Variants in NCAPD3 observed in about 807,000 individuals in gnomAD.
NCAPD3 encodes the protein condensin-2 complex subunit D3.
In NCAPD3, 105 loss-of-function variants were observed where a neutral mutation model predicts 182.9. The observed-to-expected ratio is 0.57, with a 90% CI of 0.49 to 0.68. The LOEUF (loss-of-function observed/expected upper bound fraction) is 0.68, where lower values mean the gene tolerates loss of function less well. NCAPD3 is among the 30% of genes least tolerant of loss of function. The pLI is 0.00. For missense variants in NCAPD3, 1,944 were observed against 1,837.0 expected (o/e 1.06, Z -1.07); for synonymous variants, 815 against 679.9 (o/e 1.20, Z -3.09).
intron 13 of NCAPD3, among the ~76,000 whole-genome samples, chr11:134,198,219 CTCTGAAGCCTACTA>C (rs1464944356): frequency 2.0e-5 from 3 of 152,198 alleles, no homozygotes; most frequent in Non-Finnish European, 4.4e-5. Context: ...AATCTATTCT[CTCTGAAGCCTACTA>C]TCTGAAGGCT....
At position 134,158,459 on chromosome 11, in the gene NCAPD3, C is replaced by A. The variant is rs564218854; in HGVS notation, c.3904G>T (p.Gly1302Cys). Residue 1302 changes from glycine to cysteine, a missense_variant, in exon 30 of 35, where the codon GGC becomes TGC. By Grantham distance (159) the Gly-to-Cys change is radical. This residue lies in a region of NCAPD3 where 1,803 missense variants were observed against 1,674.6 expected (regional missense o/e 1.08). Transcript: ENST00000534548. ...LCLETVPVPA[G>C]QENPAMSPAV... ...GGTGACATGGCAGGGTTTTCTTGGC[C>A]AGCAGGAACTGGCACTGTTTCTAAA... 317 of 1,614,072 alleles carry A rather than the reference C, an allele frequency of 2.0e-4. 2 individuals carry two copies. The South Asian group carries it at 3.0e-3, about 15-fold the overall frequency.
At chr11:134,203,544 T>C (rs1231288071) in intron 11 of NCAPD3, 110 bp downstream of exon 11, 4 of 1,391,052 alleles carry the variant, frequency 2.9e-6, no homozygotes, top group Non-Finnish European at 2.9e-6. Flanking sequence ...AGAGTAAAAA[T>C]AGATCATGCC....
intron 16 of NCAPD3, among the ~76,000 whole-genome samples, chr11:134,190,485 T>A (rs969060925): frequency 7.9e-5 from 12 of 152,188 alleles, no homozygotes; most frequent in Admixed American, 1.3e-4. Context: ...CCTTCTGAAG[T>A]ACATCCTTTT....
At chr11:134,160,170 G>T in intron 28 of NCAPD3, 96 bp from the exon 29 acceptor site, 1 of 1,235,444 alleles carries the variant, frequency 8.1e-7, no homozygotes, top group Non-Finnish European at 1.1e-6. Context: ...TAACAAACCT[G>T]CACATCCTGC....
chr11:134,186,140 A>G (rs997265263), intron 16 of NCAPD3: 1 of 152,208 alleles, frequency 6.6e-6, no homozygotes, highest in Non-Finnish European at 1.5e-5. Context: ...TCAGAAATAG[A>G]TATTTCAAAC....
intron 22 of NCAPD3, 43 bp from the exon 23 acceptor site, chr11:134,177,500 C>G: frequency 6.5e-7 from 1 of 1,548,278 alleles, no homozygotes; most frequent in East Asian, 2.3e-5. Context: ...TATTCTAAAT[C>G]CTAATTCCAT....
intron 16 of NCAPD3, among the ~76,000 whole-genome samples, chr11:134,189,192 T>C (rs531604317): frequency 6.6e-6 from 1 of 152,350 alleles, no homozygotes; most frequent in African/African-American, 2.4e-5. Flanking sequence ...TATCACCCAT[T>C]TCATCATTAA....
At chr11:134,153,705 T>A in intron 32 of NCAPD3, 1 of 357,322 alleles carries the variant, frequency 2.8e-6, no homozygotes, top group Non-Finnish European at 5.3e-6. Flanking sequence ...CTACTGTGGC[T>A]CACCCAGATT....
intron 31 of NCAPD3, among the ~76,000 whole-genome samples, chr11:134,157,344 A>C (rs1943451552): frequency 6.6e-6 from 1 of 152,240 alleles, no homozygotes; most frequent in Non-Finnish European, 1.5e-5. Flanking sequence ...ACAGTTTGAC[A>C]CTATCCAAAG....
chr11:134,175,431 TGTTA>T (rs1301843261), intron 24 of NCAPD3, among the ~76,000 whole-genome samples: 1 of 152,212 alleles, frequency 6.6e-6, no homozygotes, highest in African/African-American at 2.4e-5. Context: ...GTAAGTAGAA[TGTTA>T]GTTTTACTGG....
intron 29 of NCAPD3, among the ~76,000 whole-genome samples, chr11:134,159,424 G>A (rs535028110): frequency 1.3e-5 from 2 of 152,344 alleles, no homozygotes; most frequent in South Asian, 2.1e-4. Context: ...AGAATACTAT[G>A]AGAAAGCTGC....
At position 134,215,053 on chromosome 11, in the gene NCAPD3, T is replaced by G. The variant is rs761583811; in HGVS notation, c.382+1883A>C. Among the ~76,000 whole-genome samples, 153 of 152,110 alleles carry G rather than the reference T, an allele frequency of 1.0e-3. 2 individuals carry two copies. The highest frequency in any genetic ancestry group is 3.5e-4 in the Non-Finnish European group (24 of 68,034). ...ACAAAATTGGTTTAATATGTGAAAA[T>G]CAACCAATGTAATATACTATATTAG... On this transcript the variant is annotated intron_variant, in intron 3 of 34. Coordinates refer to ENST00000534548, the MANE Select transcript of NCAPD3 (RefSeq NM_015261.3).
intron 13 of NCAPD3, among the ~76,000 whole-genome samples, chr11:134,196,111 GA>G (rs958634459): frequency 3.3e-5 from 5 of 152,074 alleles, no homozygotes; most frequent in Non-Finnish European, 7.4e-5. Flanking sequence ...GACTGGCGAA[GA>G]AAATAAGAAA....
In NCAPD3 at chr11:134,157,005, A is replaced by T; in HGVS notation, c.4252+13T>A. ...ACTGAGGAGAAGCCCACGTGTTCCGATCAGTTACTCACTCTCGGGGGTGCT... is the reference window on the plus strand; with the variant it reads ...ACTGAGGAGAAGCCCACGTGTTCCGTTCAGTTACTCACTCTCGGGGGTGCT... On this transcript the variant is annotated intron_variant, in intron 32 of 34. Coordinates refer to ENST00000534548, the MANE Select transcript of NCAPD3 (RefSeq NM_015261.3). The T allele has an allele frequency of 6.2e-7, 1 of 1,602,740 alleles. No homozygotes were observed. The highest frequency in any genetic ancestry group is 8.5e-7 in the Non-Finnish European group (1 of 1,171,984).
chr11:134,164,007 G>A (rs1386031597), intron 27 of NCAPD3, among the ~76,000 whole-genome samples: 1 of 152,090 alleles, frequency 6.6e-6, no homozygotes, highest in Non-Finnish European at 1.5e-5. Flanking sequence ...GCTTAAATAA[G>A]GTCAGAACTA....
chr11:134,165,863 C>G (rs539854760), intron 27 of NCAPD3, among the ~76,000 whole-genome samples: 2 of 109,202 alleles, frequency 1.8e-5, no homozygotes, highest in African/African-American at 7.4e-5. Flanking sequence ...CTTAGGGGAG[C>G]TGCACACTCA....
chr11:134,163,262 A>G (rs1943642236), intron 27 of NCAPD3, among the ~76,000 whole-genome samples: 1 of 152,226 alleles, frequency 6.6e-6, no homozygotes, highest in South Asian at 2.1e-4. Flanking sequence ...AAACACTTCC[A>G]TGAGCTTTGA....
Position 134,153,212 on chromosome 11 carries a change from TCAAA to T in NCAPD3, c.4328-16_4328-13del, listed in dbSNP as rs770872896. 1.1e-4 allele frequency: 171 copies of T among 1,613,634 alleles called. No homozygotes were observed. The highest frequency in any genetic ancestry group is 3.3e-4 in the Middle Eastern group (2 of 6,062). ...GCCTTCAATTTTCTCTAAAAGGGAG[TCAAA>T]CAAACACATTCAGCTTTCCCAGAAC... is the stretch of plus-strand genomic sequence containing the variant. On this transcript the variant is annotated splice_polypyrimidine_tract_variant and intron_variant, in intron 33 of 34. Transcript: ENST00000534548.
chr11:134,188,844 G>A (rs1944467032), intron 16 of NCAPD3, among the ~76,000 whole-genome samples: 1 of 152,176 alleles, frequency 6.6e-6, no homozygotes, highest in African/African-American at 2.4e-5. Context: ...CGGACACAAA[G>A]GGTATCCTTA....
Sources: gnomAD v4.1 joint callset for allele counts (sites outside exome capture counted in the v4.1 genomes callset) on GRCh38, gnomAD v4.1.1 for gene constraint, gnomAD v4.1.1 regional missense constraint, MANE v1.5 for transcripts, NCBI Gene and HGNC (gene_info 2026-07-23, HGNC 2026-07-21) for gene names.